The following FAT4 variants were observed in gnomAD, a reference collection of about 807,000 sequenced individuals.
The protein encoded by FAT4 is FAT atypical cadherin 4, also known as protocadherin Fat 4.
A neutral mutation model predicts 303.9 loss-of-function variants in FAT4; 84 were observed. That is an observed-to-expected ratio of 0.28 (90% CI 0.23 to 0.33). The LOEUF is 0.33. FAT4 is among the 10% of genes least tolerant of loss of function. The pLI is 1.00. For missense variants in FAT4, 6,005 were observed against 6,146.8 expected (o/e 0.98, Z 0.77); for synonymous variants, 2,307 against 2,298.8 (o/e 1.00, Z -0.10).
Position 125,317,996 on chromosome 4 carries a change from A to G in FAT4, c.1585A>G (p.Ser529Gly). ...GLGWFHISEH[S>G]GLVTTGSSGG... ...GGGATGGTTCCATATCAGTGAACAT[A>G]GCGGCCTCGTGACCACTGGGTCCTC... Residue 529 changes from serine to glycine, a missense_variant, in exon 2 of 18, where the codon AGC (serine) becomes GGC (glycine). Physicochemically the swap from Ser to Gly is moderately conservative, Grantham distance 56 (BLOSUM62 0). Coordinates refer to ENST00000394329, the MANE Select transcript of FAT4 (RefSeq NM_001291303.3). This position sits in a 1 kb window ranked among gnomAD's most constrained non-coding sequence, Gnocchi z 7.0. The G allele has an allele frequency of 6.2e-7, 1 of 1,614,174 alleles. No homozygotes were observed. The highest frequency in any genetic ancestry group is 2.2e-5 in the East Asian group (1 of 44,858).
rs749145679 is a variant in FAT4 at position 125,490,417 on chromosome 4, A to C, written c.13601A>C (p.Lys4534Thr). The C allele has an allele frequency of 1.2e-6, 2 of 1,614,106 alleles. No homozygotes were observed. Among genetic ancestry groups the C allele is most frequent in the African/African-American group, 2.7e-5 (2 of 75,034 alleles). ...ATCCTGTGTAACCAGTGCAGGGGGA[A>C]GAAGGCCAAAAATCCCAAAGAGGAG... ...SLILCNQCRG[K>T]KAKNPKEEKK... The change falls in exon 18 of 18, where the codon AAG (lysine) becomes ACG (threonine). Residue 4534 changes from lysine (K) to threonine (T), a missense_variant. Lys to Thr is a moderately conservative substitution (Grantham distance 78). Transcript: ENST00000394329.
intron 14 of FAT4, among the ~76,000 whole-genome samples, chr4:125,479,085 GT>G (rs1715313651): frequency 6.6e-6 from 1 of 152,064 alleles, no homozygotes; most frequent in South Asian, 2.1e-4. Context: ...CTCACTGGCT[GT>G]TTCCTCTAGC....
At chr4:125,411,071 A>AT (rs1180527678) in intron 5 of FAT4, among the ~76,000 whole-genome samples, 2 of 152,050 alleles carry the variant, frequency 1.3e-5, no homozygotes, top group Non-Finnish European at 2.9e-5. Context: ...TTAGTCAGAC[A>AT]TTTTTTAAAA....
chr4:125,315,289 C>G lies in FAT4; in HGVS notation c.-701C>G, dbSNP rs1379692400. 6.6e-6 allele frequency among the ~76,000 whole-genome samples: 1 copy of G among 152,042 alleles called. No individual in the cohort carries two copies. Among genetic ancestry groups the G allele is most frequent in the African/African-American group, 2.4e-5 (1 of 41,422 alleles). On this transcript the variant is annotated 5_prime_UTR_variant, in exon 1 of 18. Coordinates refer to ENST00000394329, the MANE Select transcript of FAT4 (RefSeq NM_001291303.3). ...GCGCCGACTTCGCCGCCTCCGCTGC[C>G]AACTGTGAAGGAGAGAGAGGCATCA...
chr4:125,352,709 T>C (rs1732274113), intron 2 of FAT4, among the ~76,000 whole-genome samples: 1 of 151,792 alleles, frequency 6.6e-6, no homozygotes, highest in Admixed American at 6.6e-5. Context: ...TGCAATACTT[T>C]CCTCTCTGAG....
chr4:125,373,623 C>G (rs1489037368), intron 2 of FAT4, among the ~76,000 whole-genome samples: 1 of 152,174 alleles, frequency 6.6e-6, no homozygotes, highest in East Asian at 1.9e-4. Flanking sequence ...TTGACAAACA[C>G]TGTGCTGGCC....
intron 2 of FAT4, among the ~76,000 whole-genome samples, chr4:125,386,425 A>AC (rs1448478504): frequency 6.6e-6 from 1 of 151,926 alleles, no homozygotes; most frequent in East Asian, 1.9e-4. Context: ...TTACAGGTGC[A>AC]CACCTGGCTA....
chr4:125,402,417 T>C (rs956822011), intron 3 of FAT4, among the ~76,000 whole-genome samples: 1 of 152,022 alleles, frequency 6.6e-6, no homozygotes, highest in African/African-American at 2.4e-5. Context: ...ATGAGAATTC[T>C]CACATGCTTA....
At chr4:125,427,651 G>A (rs7667605) in intron 7 of FAT4, among the ~76,000 whole-genome samples, 150,793 of 152,208 alleles carry the variant, frequency 0.99, 74,710 homozygotes, top group East Asian at 1. Context: ...ATTTTTTAGT[G>A]GATGGCTTAC....
At position 125,316,001 on chromosome 4, in the gene FAT4, C is replaced by A. The variant is rs1360614920; in HGVS notation, c.-13+24C>A. The stretch of plus-strand genomic sequence containing the variant: ...GGGTAAGTTCTAAAGTTTCTGAAGA[C>A]CGTTCTTTGCAATGATTCCTCATAT... On this transcript the variant is annotated intron_variant, in intron 1 of 17. Transcript: ENST00000394329. The surrounding 1 kb of genome is among the most constrained non-coding windows in gnomAD (Gnocchi z 5.7). 6.6e-6 allele frequency among the ~76,000 whole-genome samples: 1 copy of A among 152,194 alleles called. No individual in the cohort carries two copies. Among genetic ancestry groups the A allele is most frequent in the East Asian group, 1.9e-4 (1 of 5,174 alleles).
chr4:125,407,022 A>C lies in FAT4; in HGVS notation c.5450A>C (p.Asp1817Ala), dbSNP rs759964132. Reference protein sequence around the residue: ...RSKYSLLVRADDGLQSSDMRI... With the variant: ...RSKYSLLVRAADGLQSSDMRI... ...AAATATTCACTGCTAGTTCGTGCTG[A>C]TGATGGTCTTCAGTCCTCGGATATG... is the stretch of plus-strand genomic sequence containing the variant. The change falls in exon 4 of 18, where the codon GAT becomes GCT. Residue 1817 changes from aspartate (D) to alanine (A), a missense_variant. Coordinates refer to ENST00000394329, the MANE Select transcript of FAT4 (RefSeq NM_001291303.3). 6.2e-7 allele frequency: 1 copy of C among 1,613,876 alleles called. No individual in the cohort carries two copies. Among genetic ancestry groups the C allele is most frequent in the African/African-American group, 1.3e-5 (1 of 75,006 alleles).
intron 9 of FAT4, among the ~76,000 whole-genome samples, chr4:125,447,581 C>A (rs907559827): frequency 2.0e-5 from 3 of 152,086 alleles, no homozygotes; most frequent in African/African-American, 7.2e-5. Context: ...GCTTAAGCAT[C>A]TTTTCCTCAT....
At chr4:125,389,350 T>C (rs1366789956) in intron 2 of FAT4, among the ~76,000 whole-genome samples, 1 of 152,166 alleles carries the variant, frequency 6.6e-6, no homozygotes, top group African/African-American at 2.4e-5. Context: ...ATGTTTCTTG[T>C]ACTAAAGTGT....
chr4:125,330,047 A>G (rs1192295188), intron 2 of FAT4, among the ~76,000 whole-genome samples: 1 of 152,134 alleles, frequency 6.6e-6, no homozygotes, highest in Admixed American at 6.6e-5. Context: ...GATTTCTGAC[A>G]GTGTTCCTAT....
At chr4:125,325,030 A>ATGTT (rs1731099456) in intron 2 of FAT4, among the ~76,000 whole-genome samples, 1 of 152,000 alleles carries the variant, frequency 6.6e-6, no homozygotes, top group Non-Finnish European at 1.5e-5. Context: ...ATATTGCAAT[A>ATGTT]TGTTGTGTTT....
chr4:125,347,049 C>G (rs893815686), intron 2 of FAT4, among the ~76,000 whole-genome samples: 1 of 151,870 alleles, frequency 6.6e-6, no homozygotes, highest in African/African-American at 2.4e-5. Context: ...TGAAAGAAAT[C>G]AGGTGAGAGC....
chr4:125,398,682 C>A, intron 2 of FAT4, 102 bp from the exon 3 acceptor site: 2 of 1,149,774 alleles, frequency 1.7e-6, no homozygotes, highest in South Asian at 1.7e-5. Context: ...GGTTCCAATT[C>A]ATTTTGGCAG....
intron 15 of FAT4, 91 bp from the exon 16 acceptor site, chr4:125,481,430 T>G: frequency 9.2e-7 from 1 of 1,082,848 alleles, no homozygotes; most frequent in Non-Finnish European, 1.4e-6. Context: ...GACATTTTCA[T>G]TGTCCTTTTT....
Position 125,452,186 on chromosome 4 carries a change from G to A in FAT4, c.11176G>A (p.Asp3726Asn), listed in dbSNP as rs757337128. Residue 3726 changes from aspartate to asparagine, a missense_variant, in exon 10 of 18, where the codon GAC becomes AAC. Asp to Asn is a conservative substitution (Grantham distance 23, BLOSUM62 1). Transcript: ENST00000394329. ...LLRLGVPTVK[D>N]FLTNHYLHFL... is the part of the protein sequence containing the mutation. ...TCGTCTCGGCGTACCAACAGTAAAG[G>A]ACTTCTTGACCAACCACTATCTTCA... 2 of 1,614,222 alleles carry A rather than the reference G, an allele frequency of 1.2e-6. No homozygotes were observed. Among genetic ancestry groups the A allele is most frequent in the East Asian group, 4.5e-5 (2 of 44,886 alleles).
Sources: allele counts gnomAD v4.1 joint callset (sites outside exome capture counted in the v4.1 genomes callset), GRCh38; gene constraint gnomAD v4.1.1; non-coding constraint Gnocchi (gnomAD v3.1); transcripts MANE v1.5; gene names NCBI Gene and HGNC (gene_info 2026-07-23, HGNC 2026-07-21).